SSU72L5: variants seen among roughly 807,000 people sequenced by gnomAD.
SSU72L5 encodes RNA polymerase II subunit A C-terminal domain phosphatase SSU72 like protein 5.
the SSU72L5 span, chr11:4,233,991 T>C: frequency 1.2e-5 from 5 of 430,472 alleles, 1 homozygote; most frequent in African/African-American, 1.1e-4. Context: ...GTGTTACTTT[T>C]GTACACATCA....
chr11:4,233,354 C>G, the SSU72L5 span: 1 of 699,478 alleles, frequency 1.4e-6, no homozygotes, highest in Non-Finnish European at 2.6e-6. Context: ...CATGGAGGCC[C>G]ACAGCATCCT....
the SSU72L5 span, among the ~76,000 whole-genome samples, chr11:4,234,287 A>G: frequency 7.1e-6 from 1 of 141,454 alleles, no homozygotes; most frequent in Non-Finnish European, 1.5e-5. Flanking sequence ...CCTTTTCTCA[A>G]TTTGAGTGGT....
At chr11:4,233,251 G>C in the SSU72L5 span, 3 of 521,640 alleles carry the variant, frequency 5.8e-6, no homozygotes, top group Non-Finnish European at 1.0e-5. Context: ...CAGCAGCTGA[G>C]GTGCCTGTGT....
At chr11:4,234,206 A>C in the SSU72L5 span, among the ~76,000 whole-genome samples, 1 of 142,148 alleles carries the variant, frequency 7.0e-6, no homozygotes, top group African/African-American at 2.7e-5. Context: ...GGACTGCTGG[A>C]AAAATGATTT....
At chr11:4,234,283 C>T in the SSU72L5 span, among the ~76,000 whole-genome samples, 2 of 141,000 alleles carry the variant, frequency 1.4e-5, no homozygotes, top group African/African-American at 2.9e-5. Context: ...AATTCCTTTT[C>T]TCAATTTGAG....
the SSU72L5 span, chr11:4,233,908 A>G: frequency 5.8e-6 from 3 of 515,648 alleles, no homozygotes; most frequent in Middle Eastern, 5.1e-4. Context: ...CCTCAGTAAG[A>G]ACTTAGGCAT....
the SSU72L5 span, among the ~76,000 whole-genome samples, chr11:4,234,278 C>T: frequency 7.1e-6 from 1 of 140,680 alleles, no homozygotes; most frequent in Non-Finnish European, 1.5e-5. Flanking sequence ...AATAAAATTC[C>T]TTTTCTCAAT....
chr11:4,233,855 A>G, the SSU72L5 span: 2 of 546,480 alleles, frequency 3.7e-6, no homozygotes, highest in Middle Eastern at 4.7e-4. Context: ...CTTTCTTCAC[A>G]CCGTCTGCTT....
At chr11:4,233,227 G>T in the SSU72L5 span, 6 of 523,634 alleles carry the variant, frequency 1.1e-5, no homozygotes, top group Non-Finnish European at 2.0e-5. Flanking sequence ...CGTCTCCTCG[G>T]CTCCGAGACC....
the SSU72L5 span, chr11:4,233,708 A>G: frequency 1.7e-6 from 1 of 577,764 alleles, no homozygotes. Flanking sequence ...CAACATGGAA[A>G]TCCAAGATAC....
the SSU72L5 span, among the ~76,000 whole-genome samples, chr11:4,234,091 G>A: frequency 6.6e-5 from 9 of 135,770 alleles, no homozygotes; most frequent in East Asian, 2.0e-3. Flanking sequence ...TTGGCATTGT[G>A]CTAGGTGCAT....
chr11:4,233,685 CT>C, the SSU72L5 span: 1 of 566,480 alleles, frequency 1.8e-6, no homozygotes, highest in South Asian at 2.4e-5. Flanking sequence ...ACCTTTCAGC[CT>C]GTGCACGTGA....
the SSU72L5 span, among the ~76,000 whole-genome samples, chr11:4,234,191 A>T: frequency 7.0e-6 from 1 of 142,568 alleles, no homozygotes; most frequent in African/African-American, 2.7e-5. Flanking sequence ...AACCGAGCTG[A>T]TAATGGACTG....
the SSU72L5 span, chr11:4,233,598 C>A: frequency 3.3e-6 from 2 of 599,796 alleles, 1 homozygote; most frequent in East Asian, 6.2e-5. Context: ...TGCACTGATT[C>A]CTTTGATGTC....
chr11:4,234,168 T>G, the SSU72L5 span, among the ~76,000 whole-genome samples: 1 of 142,272 alleles, frequency 7.0e-6, no homozygotes, highest in Non-Finnish European at 1.5e-5. Flanking sequence ...TGACGCCATT[T>G]TCCAGATGAG....
the SSU72L5 span, among the ~76,000 whole-genome samples, chr11:4,234,143 G>A: frequency 5.0e-5 from 7 of 140,880 alleles, no homozygotes; most frequent in South Asian, 2.4e-4. Flanking sequence ...ATTCTACAAG[G>A]AAGCTAGCCC....
the SSU72L5 span, among the ~76,000 whole-genome samples, chr11:4,234,237 T>G: frequency 7.0e-6 from 1 of 143,020 alleles, no homozygotes; most frequent in Admixed American, 7.0e-5. Flanking sequence ...ATTCAGCAGA[T>G]AAATAACATT....
At chr11:4,233,231 C>G in the SSU72L5 span, 5 of 517,790 alleles carry the variant, frequency 9.7e-6, no homozygotes, top group East Asian at 9.3e-5. Flanking sequence ...TCCTCGGCTC[C>G]GAGACCCTGC....
At chr11:4,234,104 C>T in the SSU72L5 span, among the ~76,000 whole-genome samples, 3,690 of 125,028 alleles carry the variant, frequency 0.03, 15 homozygotes, top group African/African-American at 0.061. Flanking sequence ...AGGTGCATTA[C>T]ATGGCATAAC....
Sources: gnomAD v4.1 joint callset for allele counts (sites outside exome capture counted in the v4.1 genomes callset) on GRCh38, gnomAD v4.1.1 for gene constraint, MANE v1.5 for transcripts, NCBI Gene and HGNC (gene_info 2026-07-23, HGNC 2026-07-21) for gene names.